CNIH3: variants seen among roughly 807,000 people sequenced by gnomAD.
CNIH3 encodes cornichon family AMPA receptor auxiliary protein 3, also known as protein cornichon homolog 3.
CNIH3 carries 14 observed loss-of-function variants against 24.1 expected under a neutral mutation model. The observed-to-expected ratio is 0.58, with a 90% CI of 0.38 to 0.91. The LOEUF is 0.91. Among genes scored for constraint, CNIH3 ranks in the 40% least tolerant of loss-of-function variants. The probability of loss-of-function intolerance (pLI) is 0.00; values close to 1 mark genes in which losing one functional copy is unlikely to be tolerated. For missense variants in CNIH3, 178 were observed against 196.8 expected, an observed-to-expected ratio of 0.90 and a Z score of 0.57; for synonymous variants, 68 against 73.8, an observed-to-expected ratio of 0.92 and a Z score of 0.40.
intron 1 of CNIH3, among the ~76,000 whole-genome samples, chr1:224,633,232 C>T (rs1683916598): frequency 6.6e-6 from 1 of 152,046 alleles, no homozygotes; most frequent in African/African-American, 2.4e-5. Flanking sequence ...GATCTCTGTT[C>T]ACTGCAACTT....
chr1:224,714,349 C>T (rs1688313666), intron 3 of CNIH3, among the ~76,000 whole-genome samples: 1 of 152,160 alleles, frequency 6.6e-6, no homozygotes, highest in Non-Finnish European at 1.5e-5. Context: ...TGAGAATCAG[C>T]TTGTTGGGAC....
At chr1:224,551,000 C>T (rs1438283715) in intron 3 of CNIH3, among the ~76,000 whole-genome samples, 1 of 151,852 alleles carries the variant, frequency 6.6e-6, no homozygotes, top group East Asian at 1.9e-4. Flanking sequence ...CAGAGAAATG[C>T]GAATCAAAAC....
chr1:224,732,660 G>C (rs1277922444), intron 4 of CNIH3, among the ~76,000 whole-genome samples: 1 of 152,180 alleles, frequency 6.6e-6, no homozygotes, highest in Non-Finnish European at 1.5e-5. Context: ...TCCAGGAAAG[G>C]AGTTCGTCCC....
At chr1:224,737,195 C>T (rs1051516820) in intron 5 of CNIH3, among the ~76,000 whole-genome samples, 1 of 108,240 alleles carries the variant, frequency 9.2e-6, no homozygotes, top group South Asian at 3.5e-4. Context: ...GGGAGGGAAG[C>T]GGCTGTGCGT....
downstream of CNIH3, among the ~76,000 whole-genome samples, chr1:224,589,215 T>C (rs571578895): frequency 2.6e-4 from 39 of 152,270 alleles, no homozygotes; most frequent in African/African-American, 8.9e-4. Flanking sequence ...ATGCACCACG[T>C]TGCTATTCCC....
chr1:224,620,512 T>C lies in CNIH3; in HGVS notation c.81+3257T>C, dbSNP rs187014686. 9.8e-5 allele frequency among the ~76,000 whole-genome samples: 15 copies of C among 152,344 alleles called. No homozygotes were observed. In the East Asian group the frequency reaches 2.9e-3, roughly 29 times the overall value. ...TTGGAATTTCTGATTGGGGTTACAA[T>C]AGCAACAGCAACCAGACTCAAGACA... is the stretch of plus-strand genomic sequence containing the variant. On this transcript the variant is annotated intron_variant, in intron 1 of 5. Coordinates refer to ENST00000272133, the MANE Select transcript of CNIH3 (RefSeq NM_152495.2).
intron 5 of CNIH3, among the ~76,000 whole-genome samples, chr1:224,584,713 C>A (rs913965391): frequency 2.1e-5 from 3 of 143,278 alleles, no homozygotes; most frequent in Middle Eastern, 6.8e-3. Flanking sequence ...AAAAATGAAG[C>A]ATTTCTTGGT....
intron 1 of CNIH3, among the ~76,000 whole-genome samples, chr1:224,670,995 C>G (rs1195969356): frequency 1.3e-5 from 2 of 152,182 alleles, no homozygotes; most frequent in East Asian, 1.9e-4. Context: ...AGCTGAAGGT[C>G]CAGATAGAAC....
At chr1:224,682,958 C>T (rs1041965575) in intron 2 of CNIH3, among the ~76,000 whole-genome samples, 3 of 152,170 alleles carry the variant, frequency 2.0e-5, no homozygotes, top group Non-Finnish European at 4.4e-5. Context: ...GGTGAAACCA[C>T]GAAATATTTT....
intron 4 of CNIH3, chr1:224,583,116 C>T (rs758273366): frequency 6.6e-6 from 1 of 152,218 alleles, no homozygotes; most frequent in Non-Finnish European, 1.5e-5. Context: ...TGAGTCTGTG[C>T]TCTTAGATAT....
intron 5 of CNIH3, among the ~76,000 whole-genome samples, chr1:224,586,257 A>G (rs1047557102): frequency 9.2e-5 from 14 of 152,192 alleles, no homozygotes; most frequent in African/African-American, 3.4e-4. Context: ...AATTTACAAA[A>G]GAAAGAGTTT....
intron 3 of CNIH3, among the ~76,000 whole-genome samples, chr1:224,708,623 A>T (rs1379998101): frequency 6.6e-6 from 1 of 152,186 alleles, no homozygotes; most frequent in East Asian, 1.9e-4. Context: ...CAAATCTAAT[A>T]GACTGACTTG....
At chr1:224,629,264 C>T (rs928425435) in intron 1 of CNIH3, among the ~76,000 whole-genome samples, 2 of 151,906 alleles carry the variant, frequency 1.3e-5, no homozygotes, top group African/African-American at 4.9e-5. Flanking sequence ...ACCTCAGCCT[C>T]CCAAAGTGCT....
Position 224,739,511 on chromosome 1 carries a change from G to A in CNIH3, c.*155G>A. On this transcript the variant is annotated 3_prime_UTR_variant, in exon 6 of 6. Transcript: ENST00000272133. ...ACTGAATGGGAGCTGGAATCACGCA[G>A]CAGCTGGGAGCCGAGTTAACCCTGC... 1.4e-6 allele frequency: 2 copies of A among 1,398,544 alleles called. No individual in the cohort carries two copies. The highest frequency in any genetic ancestry group is 1.9e-6 in the Non-Finnish European group (2 of 1,030,550). 86.6% of individuals were successfully genotyped at this position (1,398,544 alleles called of 1,614,324 possible).
chr1:224,442,479 T>A (rs1674962291), intron 1 of CNIH3, among the ~76,000 whole-genome samples: 1 of 152,238 alleles, frequency 6.6e-6, no homozygotes, highest in Non-Finnish European at 1.5e-5. Context: ...TTTTTAAGAT[T>A]TAGCCAGAGT....
At chr1:224,571,223 T>C (rs1224187104) in intron 4 of CNIH3, among the ~76,000 whole-genome samples, 6 of 152,216 alleles carry the variant, frequency 3.9e-5, no homozygotes, top group Admixed American at 3.9e-4. Context: ...CCCCTTGTTG[T>C]GTTTTCTTCT....
Position 224,644,137 on chromosome 1 carries a change from C to T in CNIH3, c.81+26882C>T, listed in dbSNP as rs573735074. Among the ~76,000 whole-genome samples the T allele has an allele frequency of 2.3e-4, 35 of 152,332 alleles. 1 individual carries two copies. The highest frequency in any genetic ancestry group is 5.8e-4 in the East Asian group (3 of 5,190). ...ACCTCAGCAGGGCCTGCACATTCAA[C>T]GCATGCTTGGTGACTGAATGTGTTG... On this transcript the variant is annotated intron_variant, in intron 1 of 5. Transcript: ENST00000272133.
intron 3 of CNIH3, among the ~76,000 whole-genome samples, chr1:224,707,250 C>T (rs948512035): frequency 6.6e-6 from 1 of 152,108 alleles, no homozygotes; most frequent in Non-Finnish European, 1.5e-5. Flanking sequence ...AAATGTCAGC[C>T]ACTGCTGCCT....
intron 5 of CNIH3, among the ~76,000 whole-genome samples, chr1:224,735,093 C>T (rs1689528768): frequency 6.6e-6 from 1 of 152,186 alleles, no homozygotes; most frequent in African/African-American, 2.4e-5. Context: ...TCAGGCTCAT[C>T]CTCACTGTCC....
Sources: gnomAD v4.1 joint callset for allele counts (sites outside exome capture counted in the v4.1 genomes callset) on GRCh38, gnomAD v4.1.1 for gene constraint, MANE v1.5 for transcripts, NCBI Gene and HGNC (gene_info 2026-07-23, HGNC 2026-07-21) for gene names.